TECTA: variants seen among roughly 807,000 people sequenced by gnomAD.
TECTA encodes the protein alpha-tectorin.
A neutral mutation model predicts 216.8 loss-of-function variants in TECTA; 128 were observed. That is an observed-to-expected ratio of 0.59 (90% CI 0.51 to 0.68). The LOEUF (loss-of-function observed/expected upper bound fraction) is 0.68, where lower values mean the gene tolerates loss of function less well. Among genes scored for constraint, TECTA ranks in the 30% least tolerant of loss-of-function variants. TECTA has a pLI of 0.00. For synonymous variants in TECTA, 1,089 were observed against 1,117.1 expected (o/e 0.97, Z 0.50); for missense variants, 2,551 against 2,786.2 (o/e 0.92, Z 1.90).
chr11:121,171,438 A>AT (rs986127001), intron 20 of TECTA, among the ~76,000 whole-genome samples: 4 of 151,380 alleles, frequency 2.6e-5, no homozygotes, highest in African/African-American at 7.3e-5. Flanking sequence ...AAATTTTAGG[A>AT]TTTTTTTTCT....
At position 121,105,989 on chromosome 11, in the gene TECTA, T is replaced by C. The variant is rs1444694190; in HGVS notation, c.198+25T>C. 6.2e-7 allele frequency: 1 copy of C among 1,614,182 alleles called. No individual in the cohort carries two copies. Among genetic ancestry groups the C allele is most frequent in the Admixed American group, 1.7e-5 (1 of 60,022 alleles). On this transcript the variant is annotated intron_variant, in intron 3 of 23. Coordinates refer to ENST00000392793, the MANE Select transcript of TECTA (RefSeq NM_005422.4). The surrounding 1 kb of genome is among the most constrained non-coding windows in gnomAD (Gnocchi z 5.3). ...TGTAAGTGGAGAAGCAGCCCATCTG[T>C]TGTTCTCTGGCCCTCCCTTTTGTTT...
At chr11:121,188,140 A>G (rs1947306125) in intron 21 of TECTA, 146 bp downstream of exon 21, 3 of 789,898 alleles carry the variant, frequency 3.8e-6, no homozygotes, top group Admixed American at 2.4e-5. Flanking sequence ...GGACAGTGAG[A>G]GAAAACGCAG....
intron 4 of TECTA, 50 bp downstream of exon 4, chr11:121,109,548 C>T: frequency 6.2e-7 from 1 of 1,605,318 alleles, no homozygotes. Context: ...ACATCTAATT[C>T]TTGTCCATCT....
chr11:121,166,850 T>C, intron 18 of TECTA, 70 bp downstream of exon 18: 1 of 1,574,604 alleles, frequency 6.4e-7, no homozygotes, highest in African/African-American at 1.3e-5. Flanking sequence ...ACATTTATTG[T>C]CCTGAAAACC....
At chr11:121,147,814 G>A (rs1227644685) in intron 12 of TECTA, among the ~76,000 whole-genome samples, 1 of 152,130 alleles carries the variant, frequency 6.6e-6, no homozygotes, top group Non-Finnish European at 1.5e-5. Flanking sequence ...TGGCTGGGGT[G>A]GGGACAGGCA....
Position 121,109,252 on chromosome 11 carries a change from C to T in TECTA, c.240C>T (p.Ser80=), listed in dbSNP as rs142064539. The T allele has an allele frequency of 7.6e-5, 123 of 1,614,126 alleles. No individual in the cohort carries two copies. The highest frequency in any genetic ancestry group is 9.8e-5 in the Non-Finnish European group (116 of 1,180,004). Residue 80 remains serine, a synonymous_variant, in exon 4 of 24, where the codon AGC becomes AGT. Coordinates refer to ENST00000392793, the MANE Select transcript of TECTA (RefSeq NM_005422.4). ...NGVVSFNVLV[S]QFTPESFPLT... ...TTGTTTCCTTCAATGTGCTAGTGAGCCAGTTCACGCCAGAATCCTTTCCCC... is the reference window on the plus strand; with the variant it reads ...TTGTTTCCTTCAATGTGCTAGTGAGTCAGTTCACGCCAGAATCCTTTCCCC...
chr11:121,142,920 C>T (rs1946798658), intron 11 of TECTA, among the ~76,000 whole-genome samples: 1 of 152,140 alleles, frequency 6.6e-6, no homozygotes, highest in Non-Finnish European at 1.5e-5. Flanking sequence ...TTCTCTTCAA[C>T]TCATAAACAT....
chr11:121,190,150 A>T (rs1415462055), intron 23 of TECTA: 2 of 446,350 alleles, frequency 4.5e-6, no homozygotes, highest in Non-Finnish European at 4.1e-6. Context: ...TTTAAGGACC[A>T]TATATTGGCC....
intron 1 of TECTA, 120 bp from the exon 2 acceptor site, chr11:121,102,545 T>C: frequency 1.3e-6 from 1 of 786,100 alleles, no homozygotes; most frequent in South Asian, 1.4e-5. Flanking sequence ...TTGATGTTGT[T>C]ATGTGAATTT....
chr11:121,108,941 A>G (rs1946417751), intron 3 of TECTA, among the ~76,000 whole-genome samples: 1 of 152,200 alleles, frequency 6.6e-6, no homozygotes, highest in Admixed American at 6.5e-5. Flanking sequence ...TAAGTGTAAT[A>G]GAGACAGGAT....
At chr11:121,104,533 C>T (rs1400865086) in intron 2 of TECTA, among the ~76,000 whole-genome samples, 1 of 152,132 alleles carries the variant, frequency 6.6e-6, no homozygotes, top group East Asian at 1.9e-4. Context: ...AGGCATAACT[C>T]CTCTTGCTCC....
At chr11:121,109,171 G>A (rs1490028049) in intron 3 of TECTA, 40 bp from the exon 4 acceptor site, 2 of 1,610,698 alleles carry the variant, frequency 1.2e-6, no homozygotes, top group Non-Finnish European at 1.7e-6. Context: ...AGTTGTTATG[G>A]TTTCAGATCC....
rs144012985 is a variant in TECTA, at chr11:121,137,971, C to T, written c.3492C>T (p.Thr1164=). 429 of 1,613,034 alleles carry T rather than the reference C, an allele frequency of 2.7e-4. No individual in the cohort carries two copies. The African/African-American group carries it at 4.2e-3, about 16-fold the overall frequency. Residue 1164 remains threonine, a synonymous_variant, in exon 11 of 24, where the codon ACC becomes ACT. Transcript: ENST00000392793. ...TGTGGGTTAAGCAGGTGGACGTGACCGTGTTTGGCTACAGCATCGTGATCC... is the reference window on the plus strand; with the variant it reads ...TGTGGGTTAAGCAGGTGGACGTGACTGTGTTTGGCTACAGCATCGTGATCC... ...LALWVKQVDV[T]VFGYSIVIHR... is the part of the protein sequence containing the mutation.
chr11:121,189,033 A>G (rs1386775221), intron 21 of TECTA, 47 bp from the exon 22 acceptor site: 2 of 1,590,266 alleles, frequency 1.3e-6, no homozygotes, highest in East Asian at 2.2e-5. Flanking sequence ...AGAATAAGTT[A>G]TCAGCTTAAT....
rs2135049710 is a variant in TECTA at position 121,105,429 on chromosome 11, G to A, written c.65-402G>A. On this transcript the variant is annotated intron_variant, in intron 2 of 23. Transcript: ENST00000392793. This position sits in a 1 kb window ranked among gnomAD's most constrained non-coding sequence, Gnocchi z 5.3. ...GGGAACTCCTTTCAGGAAAACACAC[G>A]ATAGTGGAATTCTTGAGCTAGAACA... Among the ~76,000 whole-genome samples the A allele has an allele frequency of 6.6e-6, 1 of 152,314 alleles. No homozygotes were observed.
chr11:121,111,222 C>T (rs373575488), intron 4 of TECTA, among the ~76,000 whole-genome samples: 116 of 152,252 alleles, frequency 7.6e-4, no homozygotes, highest in African/African-American at 2.6e-3. Flanking sequence ...AAAATGTTCC[C>T]GGACAAGTAC....
rs1166921032 is a variant in TECTA at position 121,168,935 on chromosome 11, C to T, written c.5999+10C>T. The T allele has an allele frequency of 6.2e-7, 1 of 1,613,978 alleles. No individual in the cohort carries two copies. The highest frequency in any genetic ancestry group is 2.2e-5 in the East Asian group (1 of 44,888). ...TCATCATTGAAGGAGGGTGAGTAGC[C>T]TCTTTATAGACAACATTCTCAGAGC... is the stretch of plus-strand genomic sequence containing the variant. On this transcript the variant is annotated intron_variant, in intron 20 of 23. Coordinates refer to ENST00000392793, the MANE Select transcript of TECTA (RefSeq NM_005422.4).
intron 20 of TECTA, among the ~76,000 whole-genome samples, chr11:121,176,954 C>T (rs1209522492): frequency 1.3e-5 from 2 of 152,192 alleles, no homozygotes; most frequent in Non-Finnish European, 2.9e-5. Context: ...CCCTTACTTC[C>T]AGTTGATCAC....
rs1293600936 is a variant in TECTA, at chr11:121,191,284, CA to C, written c.*479del. 20 of 226,080 alleles carry C rather than the reference CA, an allele frequency of 8.8e-5. No homozygotes were observed. The highest frequency in any genetic ancestry group is 2.6e-4 in the Admixed American group (5 of 19,190). 14.0% of individuals were successfully genotyped at this position (226,080 alleles called of 1,614,324 possible). On this transcript the variant is annotated 3_prime_UTR_variant, in exon 24 of 24. Transcript: ENST00000392793. ...TTGGAAGTGTCCGATCTACGTTATGCACGTGTTCTGTCTATGAGGCGCTTCT... is the reference window on the plus strand; with the variant it reads ...TTGGAAGTGTCCGATCTACGTTATGCCGTGTTCTGTCTATGAGGCGCTTCT...
Sources: gnomAD v4.1 joint callset for allele counts (sites outside exome capture counted in the v4.1 genomes callset) on GRCh38, gnomAD v4.1.1 for gene constraint, Gnocchi (gnomAD v3.1) non-coding constraint, MANE v1.5 for transcripts, NCBI Gene and HGNC (gene_info 2026-07-23, HGNC 2026-07-21) for gene names.